Variants in FASN observed in about 807,000 individuals in gnomAD.
The protein encoded by FASN is fatty acid synthase, also known as 3-hydroxyacyl-[acyl-carrier-protein] dehydratase.
Under a neutral mutation model 250.0 loss-of-function variants are expected in FASN, and 50 were observed. The observed-to-expected ratio is 0.20, with a 90% CI of 0.16 to 0.25. The LOEUF (loss-of-function observed/expected upper bound fraction) is 0.25, where lower values mean the gene tolerates loss of function less well. FASN is among the 10% of genes least tolerant of loss of function. The pLI is 1.00. For missense variants in FASN, 3,031 were observed against 3,498.5 expected (o/e 0.87, Z 3.37); for synonymous variants, 1,909 against 1,584.0 (o/e 1.21, Z -4.87).
Position 82,091,254 on chromosome 17 carries a change from G to A in FASN, c.1460C>T (p.Ala487Val). 4 of 1,601,926 alleles carry A rather than the reference G, an allele frequency of 2.5e-6. No individual in the cohort carries two copies. Among genetic ancestry groups the A allele is most frequent in the Non-Finnish European group, 3.4e-6 (4 of 1,174,574 alleles). Residue 487 changes from alanine to valine, a missense_variant, in exon 9 of 43, where the codon GCT becomes GTT. Transcript: ENST00000306749. ...RGGPEVQQVP[A>V]GERPLWFICS... is the part of the protein sequence containing the mutation. ...GATGAACCAGAGCGGGCGCTCGCCA[G>A]CGGGCACCTGCTGCACCTCTGGGCC... is the stretch of plus-strand genomic sequence containing the variant.
Position 82,092,689 on chromosome 17 carries a change from G to C in FASN, c.894+8C>G, listed in dbSNP as rs759051221. 8 of 821,142 alleles carry C rather than the reference G, an allele frequency of 9.7e-6. No homozygotes were observed. Among genetic ancestry groups the C allele is most frequent in the African/African-American group, 9.1e-5 (5 of 54,750 alleles). The allele number at this position is 821,142 out of a possible 1,614,324, so 50.9% of individuals were successfully genotyped here. On this transcript the variant is annotated splice_region_variant and intron_variant, in intron 7 of 42. Coordinates refer to ENST00000306749, the MANE Select transcript of FASN (RefSeq NM_004104.5). ...GGTGGTGAGTGGGGCGGGGGGGGGG[G>C]GCATCACCTTGGTGCCTGTGCCGTG...
At position 82,083,573 on chromosome 17, in the gene FASN, G is replaced by A. The variant is rs140375571; in HGVS notation, c.5285C>T (p.Thr1762Met). 1.0e-4 allele frequency: 161 copies of A among 1,612,608 alleles called. No homozygotes were observed. The highest frequency in any genetic ancestry group is 1.3e-4 in the African/African-American group (10 of 74,946). The change falls in exon 31 of 43, where the codon ACG (threonine) becomes ATG (methionine). Residue 1762 changes from threonine to methionine, a missense_variant. Physicochemically the swap from Thr to Met is moderately conservative, Grantham distance 81. Transcript: ENST00000306749. The stretch of plus-strand genomic sequence containing the variant: ...GCCAATTTCCAGGAAGCGACCGTGC[G>A]TAGCCAAGCACCTCACGCTGGCCTG... Reference protein sequence around the residue: ...KLQASVRCLATHGRFLEIGKF... With the variant: ...KLQASVRCLAMHGRFLEIGKF...
chr17:82,091,124 C>A, intron 9 of FASN, 55 bp from the exon 10 acceptor site: 1 of 1,605,678 alleles, frequency 6.2e-7, no homozygotes, highest in Non-Finnish European at 8.5e-7. Flanking sequence ...ACTGTGTGCC[C>A]ATCCCCGTCC....
intron 5 of FASN, 70 bp downstream of exon 5, chr17:82,093,149 G>A (rs1287362778): frequency 7.1e-5 from 109 of 1,535,288 alleles, no homozygotes; most frequent in South Asian, 1.1e-4. Context: ...CCTGCTCAGC[G>A]TGGGGACTGT....
chr17:82,090,292 G>C, intron 11 of FASN, 83 bp downstream of exon 11: 1 of 1,404,544 alleles, frequency 7.1e-7, no homozygotes, highest in Admixed American at 2.0e-5. Flanking sequence ...ACGGGGGCCA[G>C]GCCAGGGCTG....
chr17:82,082,568 C>T lies in FASN; in HGVS notation c.5878G>A (p.Ala1960Thr), dbSNP rs2034009558. The change falls in exon 34 of 43, where the codon GCG becomes ACG. Residue 1960 changes from alanine to threonine, a missense_variant. Physicochemically the swap from Ala to Thr is moderately conservative, Grantham distance 58. Coordinates refer to ENST00000306749, the MANE Select transcript of FASN (RefSeq NM_004104.5). ...EGARGLIAEA[A>T]QLGPVGGVFN... is the part of the protein sequence containing the mutation. Reference sequence around the variant, plus strand: ...ACGCCGCCCACGGGCCCAAGCTGCGCCGCCTCGGCAATGAGGCCCCGGGCC... The same window carrying T: ...ACGCCGCCCACGGGCCCAAGCTGCGTCGCCTCGGCAATGAGGCCCCGGGCC... 2 of 1,609,250 alleles carry T rather than the reference C, an allele frequency of 1.2e-6. No individual in the cohort carries two copies. The highest frequency in any genetic ancestry group is 1.7e-6 in the Non-Finnish European group (2 of 1,179,832).
In FASN at chr17:82,085,311, C is replaced by T. The variant is rs777862786; in HGVS notation, c.4214G>A (p.Arg1405Gln). 1.2e-5 allele frequency: 19 copies of T among 1,610,968 alleles called. No individual in the cohort carries two copies. The highest frequency in any genetic ancestry group is 1.0e-4 in the Admixed American group (6 of 59,824). Residue 1405 changes from arginine to glutamine, a missense_variant, in exon 24 of 43, where the codon CGG becomes CAG. Coordinates refer to ENST00000306749, the MANE Select transcript of FASN (RefSeq NM_004104.5). The stretch of plus-strand genomic sequence containing the variant: ...GATGGGGCTGTCCTGCGGGGTGGGC[C>T]GGCGGCACAGGAAGAGCGTGGAGCC... ...FYGSTLFLCR[R>Q]PTPQDSPIFL...
chr17:82,094,006 G>T, intron 3 of FASN: 1 of 601,368 alleles, frequency 1.7e-6, no homozygotes, highest in Non-Finnish European at 3.0e-6. Context: ...ACAGGAACCA[G>T]GTCACAGAGG....
At chr17:82,095,209 G>T in intron 3 of FASN, 111 bp downstream of exon 3, 1 of 1,310,996 alleles carries the variant, frequency 7.6e-7, no homozygotes. Context: ...CAGCCGGGGA[G>T]GGTAGGTGGT....
In FASN at chr17:82,083,979, G is replaced by T. The variant is rs576100145; in HGVS notation, c.5094C>A (p.Thr1698=). 6.5e-7 allele frequency: 1 copy of T among 1,540,752 alleles called. No homozygotes were observed. The highest frequency in any genetic ancestry group is 2.4e-5 in the East Asian group (1 of 40,878). The change falls in exon 29 of 43, where the codon ACC becomes ACA. Residue 1698 remains threonine, a synonymous_variant. Coordinates refer to ENST00000306749, the MANE Select transcript of FASN (RefSeq NM_004104.5). The stretch of plus-strand genomic sequence containing the variant: ...GCACCGGGGGCGGGGCCTTACCCAC[G>T]GTGGTGAAGACGCGGCAGCCCAGAC... ...ALSLGCRVFT[T]VGSAEKRAYL... is the part of the protein sequence containing the mutation.
Position 82,085,101 on chromosome 17 carries a change from C to T in FASN, c.4343G>A (p.Cys1448Tyr), listed in dbSNP as rs1421575793. The change falls in exon 25 of 43, where the codon TGT becomes TAT. Residue 1448 changes from cysteine (C) to tyrosine (Y), a missense_variant. Transcript: ENST00000306749. The part of the protein sequence containing the change: ...SRPVWLKAIN[C>Y]ATSGVVGLVN... ...CAAGCCCACCACGCCCGAGGTGGCA[C>T]AGTTGATGGCCTTCAGCCACACAGG... 6.2e-7 allele frequency: 1 copy of T among 1,612,656 alleles called. No homozygotes were observed. The highest frequency in any genetic ancestry group is 2.2e-5 in the East Asian group (1 of 44,872).
chr17:82,083,502 C>T lies in FASN; in HGVS notation c.5341+15G>A, dbSNP rs375435853. The stretch of plus-strand genomic sequence containing the variant: ...CCATCCATGCCCACCCCCGCCCAGG[C>T]GCTGCCGGCCTCACCGAGCGGGTGG... On this transcript the variant is annotated intron_variant, in intron 31 of 42. Coordinates refer to ENST00000306749, the MANE Select transcript of FASN (RefSeq NM_004104.5). 4.2e-4 allele frequency: 679 copies of T among 1,612,694 alleles called. No individual in the cohort carries two copies. The highest frequency in any genetic ancestry group is 5.0e-4 in the Non-Finnish European group (586 of 1,179,992).
intron 22 of FASN, 120 bp from the exon 23 acceptor site, chr17:82,085,991 G>GGGGAA: frequency 7.6e-7 from 1 of 1,318,916 alleles, no homozygotes; most frequent in Non-Finnish European, 1.0e-6. Context: ...ACCTGATGAC[G>GGGGAA]GTGCCAGCCA....
At position 82,085,616 on chromosome 17, in the gene FASN, T is replaced by C; in HGVS notation, c.3988A>G (p.Ser1330Gly). The change falls in exon 23 of 43, where the codon AGC (serine) becomes GGC (glycine). Residue 1330 changes from serine (S) to glycine (G), a missense_variant. Coordinates refer to ENST00000306749, the MANE Select transcript of FASN (RefSeq NM_004104.5). ...TCTCTCAGGGCAGCCACCATGTTGCTGAGAGCTGAGGCCGGGTCCCCGAGG... is the reference window on the plus strand; with the variant it reads ...TCTCTCAGGGCAGCCACCATGTTGCCGAGAGCTGAGGCCGGGTCCCCGAGG... ...AALGDPASAL[S>G]NMVAALREGG... 2 of 1,599,894 alleles carry C rather than the reference T, an allele frequency of 1.3e-6. No individual in the cohort carries two copies.
chr17:82,095,362 G>A lies in FASN; in HGVS notation c.238C>T (p.Arg80Trp), dbSNP rs2034286120. 1 of 1,612,840 alleles carries A rather than the reference G, an allele frequency of 6.2e-7. No homozygotes were observed. Among genetic ancestry groups the A allele is most frequent in the Admixed American group, 1.7e-5 (1 of 60,008 alleles). The stretch of plus-strand genomic sequence containing the variant: ...TCATAGGTGACTTCCAGCAGCAGCC[G>A]CAGCTGAGGGTCCATCGTGTGTGCC... ...KQAHTMDPQL[R>W]LLLEVTYEAI... is the part of the protein sequence containing the mutation. The change falls in exon 3 of 43, where the codon CGG becomes TGG. Residue 80 changes from arginine (R) to tryptophan (W), a missense_variant. By Grantham distance (101) the Arg-to-Trp change is moderately radical. Coordinates refer to ENST00000306749, the MANE Select transcript of FASN (RefSeq NM_004104.5).
At chr17:82,089,537 G>A (rs1598580577) in intron 12 of FASN, 95 bp downstream of exon 12, 3 of 1,542,812 alleles carry the variant, frequency 1.9e-6, no homozygotes, top group East Asian at 2.4e-5. Context: ...GCCCGTCAGA[G>A]CTTGGTGGGG....
intron 2 of FASN, among the ~76,000 whole-genome samples, chr17:82,095,951 C>T (rs2034295679): frequency 6.6e-6 from 1 of 152,254 alleles, no homozygotes; most frequent in African/African-American, 2.4e-5. Context: ...CCCGCACCCC[C>T]TGCATGGGTG....
In FASN at chr17:82,092,557, G is replaced by A. The variant is rs771066219; in HGVS notation, c.927C>T (p.Thr309=). 1 of 1,607,292 alleles carries A rather than the reference G, an allele frequency of 6.2e-7. No homozygotes were observed. The highest frequency in any genetic ancestry group is 8.5e-7 in the Non-Finnish European group (1 of 1,179,384). ...CCTGGCGGGTGGCGCACAGGGCTCG[G>A]GTGATGCCATTCAGCTCCTGGGGGT... ...VGDPQELNGI[T]RALCATRQEP... is the part of the protein sequence containing the mutation. Residue 309 remains threonine (T), a synonymous_variant, in exon 8 of 43, where the codon ACC becomes ACT. Coordinates refer to ENST00000306749, the MANE Select transcript of FASN (RefSeq NM_004104.5).
In FASN at chr17:82,079,025, G is replaced by A. The variant is rs1193224735; in HGVS notation, c.*118C>T. ...CATCTAGCAGCCTCGGGGGGCAGTG[G>A]CACTGGGCCGGACAGGGTCCCACCG... On this transcript the variant is annotated 3_prime_UTR_variant, in exon 43 of 43. Transcript: ENST00000306749. The A allele has an allele frequency of 3.4e-6, 4 of 1,193,438 alleles. No individual in the cohort carries two copies. The highest frequency in any genetic ancestry group is 1.5e-5 in the African/African-American group (1 of 64,974). 73.9% of individuals were successfully genotyped at this position (1,193,438 alleles called of 1,614,324 possible). A position where few individuals can be genotyped will look rare whatever the true frequency, so the allele number is the denominator to read the frequency against.
Sources: allele counts gnomAD v4.1 joint callset (sites outside exome capture counted in the v4.1 genomes callset), GRCh38; gene constraint gnomAD v4.1.1; transcripts MANE v1.5; gene names NCBI Gene and HGNC (gene_info 2026-07-23, HGNC 2026-07-21).